The following SUSD6 variants were observed in gnomAD, a reference collection of about 807,000 sequenced individuals.
SUSD6 encodes the protein sushi domain containing 6.
Under a neutral mutation model 28.4 loss-of-function variants are expected in SUSD6, and 16 were observed. The observed-to-expected ratio is 0.56, with a 90% confidence interval of 0.38 to 0.86. The LOEUF (loss-of-function observed/expected upper bound fraction) is 0.86. SUSD6 is among the 40% of genes least tolerant of loss of function. The probability of loss-of-function intolerance (pLI) is 0.00; values close to 1 mark genes in which losing one functional copy is unlikely to be tolerated. For synonymous variants in SUSD6, 147 were observed against 159.6 expected (o/e 0.92, Z 0.59); for missense variants, 341 against 384.2 (o/e 0.89, Z 0.94).
chr14:69,642,307 C>CA (rs1348985424), intron 1 of SUSD6, among the ~76,000 whole-genome samples: 2 of 152,252 alleles, frequency 1.3e-5, no homozygotes, highest in African/African-American at 4.8e-5. Context: ...CACTTGGAGG[C>CA]AAAAACCTTC....
intron 1 of SUSD6, among the ~76,000 whole-genome samples, chr14:69,648,878 G>GT (rs970278958): frequency 3.3e-5 from 5 of 152,012 alleles, no homozygotes; most frequent in South Asian, 2.1e-4. Flanking sequence ...ACAAAATTAA[G>GT]TTTTTTTTCC....
chr14:69,621,921 A>G (rs1885046978), intron 1 of SUSD6, among the ~76,000 whole-genome samples: 1 of 152,190 alleles, frequency 6.6e-6, no homozygotes, highest in Non-Finnish European at 1.5e-5. Flanking sequence ...TTGTAGAATG[A>G]ACAGACTTCA....
chr14:69,667,930 A>G (rs1885769184), intron 2 of SUSD6, among the ~76,000 whole-genome samples: 1 of 152,238 alleles, frequency 6.6e-6, no homozygotes, highest in South Asian at 2.1e-4. Flanking sequence ...CTCCTTTGCT[A>G]CAGCCAGGCC....
intron 1 of SUSD6, among the ~76,000 whole-genome samples, chr14:69,628,858 C>T (rs1034214380): frequency 1.3e-5 from 2 of 151,744 alleles, no homozygotes; most frequent in Non-Finnish European, 2.9e-5. Flanking sequence ...AGGCACATAC[C>T]ACTACACCCA....
At chr14:69,670,785 G>A (rs940858711) in intron 2 of SUSD6, among the ~76,000 whole-genome samples, 3 of 152,252 alleles carry the variant, frequency 2.0e-5, no homozygotes, top group East Asian at 1.9e-4. Flanking sequence ...CCGCTGTTGC[G>A]GGGAGTCTGG....
chr14:69,673,738 G>A (rs150514524), intron 2 of SUSD6, among the ~76,000 whole-genome samples: 46 of 152,012 alleles, frequency 3.0e-4, no homozygotes, highest in African/African-American at 8.7e-4. Context: ...CTGCATTTTC[G>A]GATGCCTTTC....
chr14:69,638,868 A>G (rs1010003836), intron 1 of SUSD6, among the ~76,000 whole-genome samples: 2 of 152,214 alleles, frequency 1.3e-5, no homozygotes, highest in Admixed American at 6.5e-5. Context: ...CAGTGTCTAC[A>G]GAGCCTTTTA....
chr14:69,678,799 T>G (rs1338283102), intron 2 of SUSD6, among the ~76,000 whole-genome samples: 5 of 152,118 alleles, frequency 3.3e-5, no homozygotes, highest in African/African-American at 9.7e-5. Context: ...CAAGACCCTA[T>G]CTCAGAAAAA....
chr14:69,672,702 C>G (rs1885851585), intron 2 of SUSD6, among the ~76,000 whole-genome samples: 1 of 152,206 alleles, frequency 6.6e-6, no homozygotes. Flanking sequence ...TGAAACTTCA[C>G]AGAGCACCCC....
At chr14:69,691,893 G>C (rs912837842) in intron 2 of SUSD6, among the ~76,000 whole-genome samples, 1 of 152,100 alleles carries the variant, frequency 6.6e-6, no homozygotes, top group African/African-American at 2.4e-5. Flanking sequence ...ACAAAAATTA[G>C]CCCGGTGTGG....
rs1886468731 is a variant in SUSD6, at chr14:69,711,876, C to G, written c.*897C>G. On this transcript the variant is annotated 3_prime_UTR_variant, in exon 6 of 6. Coordinates refer to ENST00000342745, the MANE Select transcript of SUSD6 (RefSeq NM_014734.4). ...AGTATAATGGGAAGTTGCATGCTGC[C>G]TCCTGGGTTTTATCCCAGATAGCTC... is the stretch of plus-strand genomic sequence containing the variant. 2.6e-5 allele frequency: 4 copies of G among 152,280 alleles called. No individual in the cohort carries two copies. Among genetic ancestry groups the G allele is most frequent in the African/African-American group, 9.6e-5 (4 of 41,458 alleles). The allele number at this position is 152,280 out of a possible 1,614,324, so 9.4% of individuals were successfully genotyped here.
In SUSD6 at chr14:69,663,104, G is replaced by T. The variant is rs1035662884; in HGVS notation, c.121+4391G>T. ...TTATCAAATTTGACCAGTAAGGAGGGATTAATTTACTTCAGGAATCCCCAT... is the reference window on the plus strand; with the variant it reads ...TTATCAAATTTGACCAGTAAGGAGGTATTAATTTACTTCAGGAATCCCCAT... On this transcript the variant is annotated intron_variant, in intron 2 of 5. Coordinates refer to ENST00000342745, the MANE Select transcript of SUSD6 (RefSeq NM_014734.4). 2.0e-5 allele frequency among the ~76,000 whole-genome samples: 3 copies of T among 152,168 alleles called. No homozygotes were observed. In the South Asian group the frequency reaches 6.2e-4, roughly 32 times the overall value.
intron 1 of SUSD6, among the ~76,000 whole-genome samples, chr14:69,631,461 T>G (rs939302238): frequency 2.0e-5 from 3 of 152,240 alleles, no homozygotes; most frequent in African/African-American, 7.2e-5. Flanking sequence ...CTGTGTAAGC[T>G]TGGATAGGTT....
chr14:69,635,640 C>T (rs1277414594), intron 1 of SUSD6, among the ~76,000 whole-genome samples: 3 of 141,016 alleles, frequency 2.1e-5, no homozygotes, highest in Non-Finnish European at 4.6e-5. Flanking sequence ...CACACACACA[C>T]ACATTTTCAC....
At chr14:69,683,875 A>G (rs1303458895) in intron 2 of SUSD6, among the ~76,000 whole-genome samples, 1 of 152,218 alleles carries the variant, frequency 6.6e-6, no homozygotes, top group African/African-American at 2.4e-5. Context: ...GAAGGAGATC[A>G]TGCTGTAAGA....
chr14:69,639,320 A>AAG (rs1449053084), intron 1 of SUSD6, among the ~76,000 whole-genome samples: 4 of 145,214 alleles, frequency 2.8e-5, no homozygotes, highest in Non-Finnish European at 6.2e-5. Context: ...TCTCAAAAAA[A>AAG]AAAAAAAAAA....
intron 2 of SUSD6, among the ~76,000 whole-genome samples, chr14:69,681,927 G>A (rs1308376407): frequency 6.6e-6 from 1 of 152,318 alleles, no homozygotes; most frequent in South Asian, 2.1e-4. Flanking sequence ...TGAAAAATAT[G>A]TTTTCATATG....
At chr14:69,689,755 T>C (rs1051772515) in intron 2 of SUSD6, among the ~76,000 whole-genome samples, 1 of 152,202 alleles carries the variant, frequency 6.6e-6, no homozygotes, top group African/African-American at 2.4e-5. Flanking sequence ...AGCCTCCACC[T>C]CCTGGCTTCA....
At chr14:69,667,370 C>CTTT (rs10611584) in intron 2 of SUSD6, among the ~76,000 whole-genome samples, 1 of 73,308 alleles carries the variant, frequency 1.4e-5, no homozygotes, top group African/African-American at 5.3e-5. Flanking sequence ...CTCACAGTTT[C>CTTT]TTTTTTTTTT....
Sources: allele counts gnomAD v4.1 joint callset (sites outside exome capture counted in the v4.1 genomes callset), GRCh38; gene constraint gnomAD v4.1.1; transcripts MANE v1.5; gene names NCBI Gene and HGNC (gene_info 2026-07-23, HGNC 2026-07-21).